RALYL: variants seen among roughly 807,000 people sequenced by gnomAD.
RALYL encodes the protein RALY RNA binding protein like.
Under a neutral mutation model 35.1 loss-of-function variants are expected in RALYL, and 29 were observed. The ratio of observed to expected loss-of-function variants is 0.83; its 90% CI spans 0.61 to 1.13. The LOEUF (loss-of-function observed/expected upper bound fraction) is 1.13. Among genes scored for constraint, RALYL ranks in the 50% most tolerant of loss-of-function variants. The probability of loss-of-function intolerance (pLI) is 0.00; values close to 1 mark genes in which losing one functional copy is unlikely to be tolerated. For missense variants in RALYL, 359 were observed against 360.4 expected (o/e 1.00, Z 0.03); for synonymous variants, 120 against 127.6 (o/e 0.94, Z 0.40).
intron 1 of RALYL, among the ~76,000 whole-genome samples, chr8:84,288,233 A>G (rs1838051155): frequency 1.3e-5 from 2 of 152,178 alleles, no homozygotes; most frequent in South Asian, 4.2e-4. Context: ...TGCTTTCAAA[A>G]ATCCCGACAC....
chr8:84,583,408 GC>G (rs1811287054), intron 2 of RALYL, among the ~76,000 whole-genome samples: 1 of 152,214 alleles, frequency 6.6e-6, no homozygotes, highest in Admixed American at 6.5e-5. Context: ...ACAATGCAGT[GC>G]CATACTTAGT....
intron 1 of RALYL, among the ~76,000 whole-genome samples, chr8:84,249,518 T>A (rs1022842076): frequency 6.6e-6 from 1 of 152,166 alleles, no homozygotes; most frequent in South Asian, 2.1e-4. Context: ...AATAAGTGAT[T>A]CTTTTAACTT....
At chr8:84,419,281 G>A (rs893409633) in intron 1 of RALYL, among the ~76,000 whole-genome samples, 1 of 152,084 alleles carries the variant, frequency 6.6e-6, no homozygotes, top group South Asian at 2.1e-4. Flanking sequence ...GGCTCCTTAA[G>A]TTTTCTTGAG....
At chr8:84,555,930 A>T (rs561753232) in intron 2 of RALYL, among the ~76,000 whole-genome samples, 108 of 152,246 alleles carry the variant, frequency 7.1e-4, no homozygotes, top group Non-Finnish European at 1.4e-3. Context: ...ACTGTTTTAG[A>T]TAATTTGCTT....
chr8:84,539,122 T>C (rs1338533887), intron 2 of RALYL, among the ~76,000 whole-genome samples: 1 of 152,160 alleles, frequency 6.6e-6, no homozygotes, highest in Non-Finnish European at 1.5e-5. Context: ...GGACTCACGA[T>C]TCCTATGTTA....
intron 1 of RALYL, among the ~76,000 whole-genome samples, chr8:84,409,078 C>A (rs1016531637): frequency 6.6e-6 from 1 of 151,940 alleles, no homozygotes; most frequent in Non-Finnish European, 1.5e-5. Context: ...ATTTTGACCT[C>A]CCCAAGTGGG....
intron 2 of RALYL, among the ~76,000 whole-genome samples, chr8:84,636,636 C>T (rs1169193047): frequency 6.6e-6 from 1 of 151,738 alleles, no homozygotes; most frequent in Non-Finnish European, 1.5e-5. Context: ...CCAAATGTTA[C>T]TCTGCTTTTT....
At chr8:84,540,163 T>A (rs10504805) in intron 2 of RALYL, among the ~76,000 whole-genome samples, 54,353 of 151,318 alleles carry the variant, frequency 0.36, 9,916 homozygotes, top group South Asian at 0.51. Flanking sequence ...TTGCAAAAAA[T>A]TGAGTTTTAT....
chr8:84,913,798 T>A (rs965840741), intron 8 of RALYL, among the ~76,000 whole-genome samples: 10 of 152,092 alleles, frequency 6.6e-5, no homozygotes, highest in Non-Finnish European at 4.4e-5. Context: ...TGGTTTTTTT[T>A]AAATTACCTA....
At chr8:84,791,230 G>A (rs1820708703) in intron 3 of RALYL, among the ~76,000 whole-genome samples, 1 of 152,120 alleles carries the variant, frequency 6.6e-6, no homozygotes, top group Non-Finnish European at 1.5e-5. Flanking sequence ...CCGTGAAGGG[G>A]GTGATGAGCA....
intron 6 of RALYL, among the ~76,000 whole-genome samples, chr8:84,870,261 A>ATT (rs200284241): frequency 1.1e-4 from 16 of 142,474 alleles, no homozygotes; most frequent in South Asian, 2.2e-4. Context: ...TTTGTGTATA[A>ATT]TTTTTTTTTT....
At chr8:84,427,003 G>C (rs1301824036) in intron 1 of RALYL, among the ~76,000 whole-genome samples, 1 of 152,122 alleles carries the variant, frequency 6.6e-6, no homozygotes, top group African/African-American at 2.4e-5. Flanking sequence ...CCCATGTCAT[G>C]TTCATTGTAG....
chr8:84,833,641 C>CAAAAAA (rs548355814), intron 4 of RALYL, among the ~76,000 whole-genome samples: 2 of 70,526 alleles, frequency 2.8e-5, no homozygotes, highest in African/African-American at 3.8e-5. Context: ...GACTTCGTCT[C>CAAAAAA]AAAAAAAAAA....
Position 84,583,358 on chromosome 8 carries a change from TA to T in RALYL, c.256+53787del, listed in dbSNP as rs1178658338. Among the ~76,000 whole-genome samples the T allele has an allele frequency of 7.9e-5, 12 of 152,256 alleles. No homozygotes were observed. In the East Asian group the frequency reaches 2.3e-3, roughly 29 times the overall value. Reference sequence around the variant, plus strand: ...TATGTATAATATTATTTCACTTTGATAAAAAATGGATCAGATAATAAAATCT... The same window carrying T: ...TATGTATAATATTATTTCACTTTGATAAAAATGGATCAGATAATAAAATCT... On this transcript the variant is annotated intron_variant, in intron 2 of 8. Coordinates refer to ENST00000521268, the MANE Select transcript of RALYL (RefSeq NM_173848.7).
At chr8:84,278,335 A>G (rs1835834610) in intron 1 of RALYL, among the ~76,000 whole-genome samples, 1 of 152,176 alleles carries the variant, frequency 6.6e-6, no homozygotes, top group South Asian at 2.1e-4. Flanking sequence ...AAGCTGCATC[A>G]AGTGGGGTCC....
chr8:84,486,562 T>C (rs2054648636), intron 1 of RALYL, among the ~76,000 whole-genome samples: 1 of 151,930 alleles, frequency 6.6e-6, no homozygotes, highest in East Asian at 1.9e-4. Flanking sequence ...GGTCAGAGGA[T>C]ACTTTTTATT....
chr8:84,234,418 C>T (rs185040652), intron 1 of RALYL, among the ~76,000 whole-genome samples: 4 of 152,312 alleles, frequency 2.6e-5, no homozygotes, highest in African/African-American at 9.6e-5. Flanking sequence ...TGCAAGACTT[C>T]TTCAACCTGA....
In RALYL at chr8:84,648,983, A is replaced by G. The variant is rs148113601; in HGVS notation, c.256+119406A>G. Among the ~76,000 whole-genome samples, 1,456 of 152,070 alleles carry G rather than the reference A, an allele frequency of 9.6e-3. 24 individuals are homozygous for G. Among genetic ancestry groups the G allele is most frequent in the Admixed American group, 0.039 (587 of 15,224 alleles). The stretch of plus-strand genomic sequence containing the variant: ...ATCATCCCTTTAAGCATAACACCAC[A>G]TGGTGCTCATTCATAGAGTAAATAT... On this transcript the variant is annotated intron_variant, in intron 2 of 8. Transcript: ENST00000521268.
chr8:84,587,197 G>T (rs1329446269), intron 2 of RALYL, among the ~76,000 whole-genome samples: 2 of 152,172 alleles, frequency 1.3e-5, no homozygotes, highest in East Asian at 1.9e-4. Context: ...AAATGTTGCT[G>T]TAGTAGAGTT....
Sources: allele counts gnomAD v4.1 joint callset (sites outside exome capture counted in the v4.1 genomes callset), GRCh38; gene constraint gnomAD v4.1.1; transcripts MANE v1.5; gene names NCBI Gene and HGNC (gene_info 2026-07-23, HGNC 2026-07-21).